The following GLIS3 variants were observed in gnomAD, a reference collection of about 807,000 sequenced individuals.
The protein encoded by GLIS3 is GLIS family zinc finger 3.
A neutral mutation model predicts 78.6 loss-of-function variants in GLIS3; 53 were observed. That is an observed-to-expected ratio of 0.67 (90% CI 0.54 to 0.85). The LOEUF (loss-of-function observed/expected upper bound fraction) is 0.85, where lower values mean the gene tolerates loss of function less well. Ranked by LOEUF, GLIS3 falls within the 40% of genes least tolerant of loss-of-function variation. GLIS3 has a pLI of 0.00. For synonymous variants in GLIS3, 684 were observed against 509.9 expected (o/e 1.34, Z -4.60); for missense variants, 1,703 against 1,231.1 (o/e 1.38, Z -5.74).
chr9:3,840,179 A>T (rs372056035), intron 9 of GLIS3, among the ~76,000 whole-genome samples: 1 of 152,240 alleles, frequency 6.6e-6, no homozygotes, highest in Non-Finnish European at 1.5e-5. Context: ...AAGTTCAACT[A>T]TGTAACCATG....
upstream of GLIS3, among the ~76,000 whole-genome samples, chr9:4,302,594 T>C (rs1252694565): frequency 6.6e-6 from 1 of 152,254 alleles, no homozygotes; most frequent in Non-Finnish European, 1.5e-5. Flanking sequence ...ATGTATGATG[T>C]GGCTATGAAT....
chr9:4,337,609 T>C (rs1430194366), intron 2 of GLIS3, among the ~76,000 whole-genome samples: 1 of 152,172 alleles, frequency 6.6e-6, no homozygotes, highest in Non-Finnish European at 1.5e-5. Flanking sequence ...TTTTCTGACA[T>C]GCTGAGTTGG....
At chr9:4,038,802 A>T (rs1204626247) in intron 4 of GLIS3, among the ~76,000 whole-genome samples, 1 of 151,946 alleles carries the variant, frequency 6.6e-6, no homozygotes, top group Admixed American at 6.6e-5. Context: ...GTGTGGATCC[A>T]GCCTTTAAAT....
At chr9:4,136,239 CTG>C (rs1317481378) in intron 2 of GLIS3, among the ~76,000 whole-genome samples, 3 of 152,162 alleles carry the variant, frequency 2.0e-5, no homozygotes, top group African/African-American at 7.2e-5. Flanking sequence ...TGTCGCTAGA[CTG>C]TACAGTATTA....
chr9:4,329,050 T>C (rs1331263569), intron 2 of GLIS3, among the ~76,000 whole-genome samples: 1 of 152,210 alleles, frequency 6.6e-6, no homozygotes, highest in African/African-American at 2.4e-5. Flanking sequence ...AAATCTTGCC[T>C]GCTTGCCAGG....
At chr9:4,102,758 T>C (rs1830469483) in intron 4 of GLIS3, among the ~76,000 whole-genome samples, 2 of 152,166 alleles carry the variant, frequency 1.3e-5, no homozygotes, top group Non-Finnish European at 2.9e-5. Flanking sequence ...AAATATTAAA[T>C]GTCACCTTTT....
chr9:4,438,392 A>G, the GLIS3 span, among the ~76,000 whole-genome samples: 9 of 152,312 alleles, frequency 5.9e-5, no homozygotes, highest in Admixed American at 2.0e-4. Context: ...AAAATGACAA[A>G]TAGACTTCAT....
chr9:4,266,334 G>C (rs1267461148), intron 2 of GLIS3, among the ~76,000 whole-genome samples: 1 of 152,074 alleles, frequency 6.6e-6, no homozygotes, highest in Non-Finnish European at 1.5e-5. Context: ...CAGGATGGAT[G>C]AAGTGCCTCC....
At chr9:4,183,443 C>G (rs1369806445) in intron 2 of GLIS3, among the ~76,000 whole-genome samples, 3 of 152,152 alleles carry the variant, frequency 2.0e-5, no homozygotes, top group South Asian at 4.1e-4. Flanking sequence ...TTCATTTAGC[C>G]TCATTCCCAT....
chr9:4,014,846 T>C (rs925853741), intron 4 of GLIS3, among the ~76,000 whole-genome samples: 2 of 152,184 alleles, frequency 1.3e-5, no homozygotes, highest in Admixed American at 6.5e-5. Context: ...CAGGGCTGAA[T>C]ACTGGCAGAG....
chr9:4,011,830 C>T (rs1822037570), intron 4 of GLIS3, among the ~76,000 whole-genome samples: 1 of 152,170 alleles, frequency 6.6e-6, no homozygotes. Context: ...GGCATATCTG[C>T]TCTTAACATT....
At chr9:4,111,082 A>G (rs555121416) in intron 4 of GLIS3, among the ~76,000 whole-genome samples, 2 of 152,338 alleles carry the variant, frequency 1.3e-5, no homozygotes, top group African/African-American at 2.4e-5. Context: ...AGAAAAACAC[A>G]TTTTAGAATC....
At position 4,265,933 on chromosome 9, in the gene GLIS3, T is replaced by C. The variant is rs550745815; in HGVS notation, c.388+20105A>G. Among the ~76,000 whole-genome samples the C allele has an allele frequency of 1.4e-3, 196 of 140,786 alleles. 1 individual carries two copies. The highest frequency in any genetic ancestry group is 4.5e-3 in the African/African-American group (162 of 36,220). The allele number at this position is 140,786 out of a possible 152,430, so 92.4% of individuals were successfully genotyped here. ...GTTTGTCTGTTTGTTTGTTTGTTTG[T>C]TTGGAGACGGAGTCTCACTCTATCG... On this transcript the variant is annotated intron_variant, in intron 2 of 10. Transcript: ENST00000381971.
the GLIS3 span, among the ~76,000 whole-genome samples, chr9:4,373,335 G>A: frequency 6.6e-6 from 1 of 152,144 alleles, no homozygotes; most frequent in Admixed American, 6.5e-5. Context: ...GAATCACCTG[G>A]GGGAAATTGG....
chr9:3,907,040 C>A (rs949159097), intron 6 of GLIS3, among the ~76,000 whole-genome samples: 2 of 152,124 alleles, frequency 1.3e-5, no homozygotes, highest in African/African-American at 4.8e-5. Context: ...TCTCAGGGTA[C>A]AAGAAGAACT....
At chr9:4,060,417 G>T (rs186224934) in intron 4 of GLIS3, among the ~76,000 whole-genome samples, 2 of 152,172 alleles carry the variant, frequency 1.3e-5, no homozygotes, top group Admixed American at 1.3e-4. Flanking sequence ...TCACTAATAG[G>T]TGGTGTTATG....
In GLIS3 at chr9:3,997,951, C is replaced by T. The variant is rs557370564; in HGVS notation, c.1711-60762G>A. On this transcript the variant is annotated intron_variant, in intron 4 of 10. Transcript: ENST00000381971. The stretch of plus-strand genomic sequence containing the variant: ...TTATATAATCTTATACATAAAACCC[C>T]TACAGAAAATGCAAATTATCAGAAT... Among the ~76,000 whole-genome samples, 3 of 152,174 alleles carry T rather than the reference C, an allele frequency of 2.0e-5. No individual in the cohort carries two copies. The South Asian group carries it at 6.2e-4, about 32-fold the overall frequency.
chr9:4,384,066 C>A, the GLIS3 span, among the ~76,000 whole-genome samples: 1 of 152,204 alleles, frequency 6.6e-6, no homozygotes, highest in Non-Finnish European at 1.5e-5. Context: ...AGAGTAGTCT[C>A]TTTTATTTCC....
intron 4 of GLIS3, among the ~76,000 whole-genome samples, chr9:3,947,950 A>G (rs910617010): frequency 1.3e-5 from 2 of 152,232 alleles, no homozygotes; most frequent in African/African-American, 2.4e-5. Context: ...GTTAAAAATC[A>G]TCTGTGACTG....
Sources: gnomAD v4.1 joint callset for allele counts (sites outside exome capture counted in the v4.1 genomes callset) on GRCh38, gnomAD v4.1.1 for gene constraint, MANE v1.5 for transcripts, NCBI Gene and HGNC (gene_info 2026-07-23, HGNC 2026-07-21) for gene names.